Variants in NSD1 observed in about 807,000 individuals in gnomAD.
NSD1 encodes the protein nuclear receptor binding SET domain protein 1, also known as histone-lysine N-methyltransferase, H3 lysine-36 specific.
In NSD1, 26 loss-of-function variants were observed where a neutral mutation model predicts 242.7. The observed-to-expected ratio is 0.11, with a 90% confidence interval of 0.08 to 0.15. The LOEUF is 0.15. Among genes scored for constraint, NSD1 ranks in the 10% least tolerant of loss-of-function variants. NSD1 has a pLI of 1.00. For synonymous variants in NSD1, 1,106 were observed against 1,178.1 expected (o/e 0.94, Z 1.25); for missense variants, 2,495 against 3,272.8 (o/e 0.76, Z 5.80).
At chr5:177,264,720 A>G in intron 14 of NSD1, 11 of 661,918 alleles carry the variant, frequency 1.7e-5, no homozygotes, top group South Asian at 1.6e-4. Flanking sequence ...ATTATTAAGT[A>G]AAGGCCCTTT....
At chr5:177,248,104 TAGC>T (rs1766440100) in intron 10 of NSD1, 74 bp from the exon 11 acceptor site, 7 of 1,588,052 alleles carry the variant, frequency 4.4e-6, no homozygotes, top group Non-Finnish European at 6.0e-6. Context: ...GCTAGACAAA[TAGC>T]AGCCCAGAGG....
chr5:177,250,523 GTTGTAAT>G, intron 11 of NSD1, among the ~76,000 whole-genome samples: 1 of 149,536 alleles, frequency 6.7e-6, no homozygotes, highest in South Asian at 2.1e-4. Flanking sequence ...TCTAATTCAC[GTTGTAAT>G]TAACGTTTTC....
chr5:177,265,195 A>G, intron 14 of NSD1: 1 of 780,382 alleles, frequency 1.3e-6, no homozygotes, highest in Non-Finnish European at 2.3e-6. Context: ...ACCAATGGGA[A>G]GGAGTCTGAG....
chr5:177,165,192 G>A (rs1759087565), intron 2 of NSD1, among the ~76,000 whole-genome samples: 1 of 152,058 alleles, frequency 6.6e-6, no homozygotes, highest in African/African-American at 2.4e-5. Context: ...TATTTATTTT[G>A]AGACAGTCTT....
chr5:177,135,970 A>G lies in NSD1; in HGVS notation c.867A>G (p.Leu289=). The change falls in exon 2 of 23, where the codon TTA becomes TTG. Residue 289 remains leucine (L), a synonymous_variant. Coordinates refer to ENST00000439151, the MANE Select transcript of NSD1 (RefSeq NM_022455.5). ...QDDPDSSTST[L]GNMLELPGTS... ...ATCCAGATTCCAGTACCAGTACATTAGGAAACATGCTAGAATTACCTGGAA... is the reference window on the plus strand; with the variant it reads ...ATCCAGATTCCAGTACCAGTACATTGGGAAACATGCTAGAATTACCTGGAA... 6.2e-7 allele frequency: 1 copy of G among 1,614,168 alleles called. No individual in the cohort carries two copies. Among genetic ancestry groups the G allele is most frequent in the African/African-American group, 1.3e-5 (1 of 75,046 alleles).
intron 5 of NSD1, among the ~76,000 whole-genome samples, chr5:177,234,997 G>A (rs574475611): frequency 1.3e-5 from 2 of 152,156 alleles, no homozygotes; most frequent in East Asian, 1.9e-4. Context: ...ATGTATTCTC[G>A]TGATACTACT....
chr5:177,158,831 A>G (rs1267413045), intron 2 of NSD1, among the ~76,000 whole-genome samples: 1 of 150,258 alleles, frequency 6.7e-6, no homozygotes, highest in Non-Finnish European at 1.5e-5. Flanking sequence ...CAAAAAAAAA[A>G]AAAAGGAAGT....
intron 5 of NSD1, among the ~76,000 whole-genome samples, chr5:177,231,135 G>T (rs1765022854): frequency 6.6e-6 from 1 of 152,168 alleles, no homozygotes; most frequent in Admixed American, 6.5e-5. Context: ...GTCCAGGCTG[G>T]AGTGCAGTTG....
chr5:177,264,028 A>ATGTTTTTTTTTTT (rs1757204335), intron 14 of NSD1, among the ~76,000 whole-genome samples: 1 of 76,394 alleles, frequency 1.3e-5, no homozygotes, highest in Non-Finnish European at 2.5e-5. Flanking sequence ...CAATGAACCA[A>ATGTTTTTTTTTTT]TTTTTTTTTT....
At chr5:177,167,617 T>C (rs191372659) in intron 2 of NSD1, among the ~76,000 whole-genome samples, 1 of 152,296 alleles carries the variant, frequency 6.6e-6, no homozygotes, top group African/African-American at 2.4e-5. Context: ...ACTCGTAGGC[T>C]ACTAGTACAC....
At position 177,233,537 on chromosome 5, in the gene NSD1, ATTTTT is replaced by A. The variant is rs56908682; in HGVS notation, c.3797-2268_3797-2264del. Among the ~76,000 whole-genome samples, 21 of 126,394 alleles carry A rather than the reference ATTTTT, an allele frequency of 1.7e-4. No homozygotes were observed. The South Asian group carries it at 1.8e-3, about 11-fold the overall frequency. 82.9% of individuals were successfully genotyped at this position (126,394 alleles called of 152,430 possible). On this transcript the variant is annotated intron_variant, in intron 5 of 22. Coordinates refer to ENST00000439151, the MANE Select transcript of NSD1 (RefSeq NM_022455.5). ...ACATGAGCCACCATGCCTGGCTAGT[ATTTTT>A]TTTTTTTTTTTTTTTAAGTAGAGAC...
chr5:177,216,009 T>C (rs1015794409), intron 5 of NSD1, among the ~76,000 whole-genome samples: 8 of 152,072 alleles, frequency 5.3e-5, no homozygotes, highest in African/African-American at 1.9e-4. Flanking sequence ...TACAGGTGCA[T>C]GCCACCACAC....
chr5:177,276,768 C>G (rs1758422462), intron 17 of NSD1, among the ~76,000 whole-genome samples: 1 of 152,014 alleles, frequency 6.6e-6, no homozygotes, highest in African/African-American at 2.4e-5. Context: ...CCACTCCTGG[C>G]CTTTAAATTG....
At chr5:177,282,428 T>C in intron 18 of NSD1, 37 bp from the exon 19 acceptor site, 1 of 1,366,698 alleles carries the variant, frequency 7.3e-7, no homozygotes, top group Non-Finnish European at 1.0e-6. Context: ...CCAGTGTCCT[T>C]TTTTGCCATT....
intron 14 of NSD1, 85 bp from the exon 15 acceptor site, chr5:177,267,475 GAA>G (rs1164715444): frequency 3.3e-5 from 37 of 1,128,990 alleles, no homozygotes; most frequent in Non-Finnish European, 4.8e-5. Flanking sequence ...TGAAGAGAAA[GAA>G]AATATATATA....
At chr5:177,231,520 C>G (rs1158169518) in intron 5 of NSD1, among the ~76,000 whole-genome samples, 1 of 152,062 alleles carries the variant, frequency 6.6e-6, no homozygotes, top group East Asian at 1.9e-4. Flanking sequence ...CTCCACCTTC[C>G]AGGTTCAAGC....
In NSD1 at chr5:177,297,992, C is replaced by G. The variant is rs1760358636; in HGVS notation, c.*2533C>G. ...GGGCCATTGAATGGGAACTAGAAAA[C>G]CACTGGAAACTAGAAATTTGAGCTA... On this transcript the variant is annotated 3_prime_UTR_variant, in exon 23 of 23. Coordinates refer to ENST00000439151, the MANE Select transcript of NSD1 (RefSeq NM_022455.5). 8.6e-6 allele frequency: 2 copies of G among 232,700 alleles called. No homozygotes were observed. Among genetic ancestry groups the G allele is most frequent in the Non-Finnish European group, 1.7e-5 (2 of 117,990 alleles). 14.4% of individuals were successfully genotyped at this position (232,700 alleles called of 1,614,324 possible).
Position 177,210,229 on chromosome 5 carries a change from A to G in NSD1, c.1830A>G (p.Gln610=), listed in dbSNP as rs759706066. Residue 610 remains glutamine (Q), a synonymous_variant, in exon 5 of 23, where the codon CAA becomes CAG. Transcript: ENST00000439151. The part of the protein sequence containing the change: ...SKCSREKNKP[Q]RSLVCGSKVK... ...GTTCTCGAGAGAAGAATAAACCCCA[A>G]CGAAGCCTGGTGTGTGGTTCAAAAG... The G allele has an allele frequency of 4.4e-6, 7 of 1,595,180 alleles. No individual in the cohort carries two copies. In the Admixed American group the frequency reaches 5.3e-5, roughly 12 times the overall value.
intron 5 of NSD1, among the ~76,000 whole-genome samples, chr5:177,225,824 G>A (rs887830240): frequency 3.9e-5 from 6 of 152,096 alleles, no homozygotes; most frequent in African/African-American, 1.4e-4. Flanking sequence ...AAAGATGAGA[G>A]AAGCTATTCA....
Sources: gnomAD v4.1 joint callset for allele counts (sites outside exome capture counted in the v4.1 genomes callset) on GRCh38, gnomAD v4.1.1 for gene constraint, MANE v1.5 for transcripts, NCBI Gene and HGNC (gene_info 2026-07-23, HGNC 2026-07-21) for gene names.